GRIA4: variants seen among roughly 807,000 people sequenced by gnomAD.
The protein encoded by GRIA4 is glutamate ionotropic receptor AMPA type subunit 4.
A neutral mutation model predicts 104.0 loss-of-function variants in GRIA4; 34 were observed. The ratio of observed to expected loss-of-function variants is 0.33; its 90% CI spans 0.25 to 0.44. The LOEUF is 0.44. GRIA4 is among the 20% of genes least tolerant of loss of function. The probability of loss-of-function intolerance (pLI) is 1.00; values close to 1 mark genes in which losing one functional copy is unlikely to be tolerated. For synonymous variants in GRIA4, 386 were observed against 381.9 expected (o/e 1.01, Z -0.13); for missense variants, 750 against 1,096.5 (o/e 0.68, Z 4.46).
intron 3 of GRIA4, among the ~76,000 whole-genome samples, chr11:105,674,826 T>C (rs1017169274): frequency 5.3e-5 from 8 of 151,912 alleles, no homozygotes; most frequent in Non-Finnish European, 1.5e-5. Flanking sequence ...TTTTATTCCA[T>C]GAAAAATAAA....
chr11:105,695,482 G>A (rs5007613), intron 3 of GRIA4, among the ~76,000 whole-genome samples: 1 of 121,410 alleles, frequency 8.2e-6, no homozygotes, highest in Non-Finnish European at 1.8e-5. Flanking sequence ...GTGTGTCTGT[G>A]TGTGTGTGTG....
At chr11:105,725,000 T>C (rs1429859013) in intron 3 of GRIA4, among the ~76,000 whole-genome samples, 1 of 152,190 alleles carries the variant, frequency 6.6e-6, no homozygotes, top group Non-Finnish European at 1.5e-5. Context: ...TCATCTCTAC[T>C]ACTTAGTCCT....
At chr11:105,799,112 G>T (rs1007734991) in intron 4 of GRIA4, among the ~76,000 whole-genome samples, 1 of 152,108 alleles carries the variant, frequency 6.6e-6, no homozygotes, top group African/African-American at 2.4e-5. Flanking sequence ...AAGAAACCGA[G>T]AACAAGAGTA....
intron 3 of GRIA4, among the ~76,000 whole-genome samples, chr11:105,661,949 T>C (rs1018772437): frequency 2.6e-5 from 4 of 151,608 alleles, no homozygotes; most frequent in African/African-American, 7.3e-5. Flanking sequence ...CAACCACTAA[T>C]GAACTGCAAA....
chr11:105,972,746 T>C (rs1858765453), intron 15 of GRIA4, among the ~76,000 whole-genome samples: 1 of 152,168 alleles, frequency 6.6e-6, no homozygotes, highest in South Asian at 2.1e-4. Context: ...TATGTTTTTA[T>C]TTTTTAAAAA....
intron 3 of GRIA4, among the ~76,000 whole-genome samples, chr11:105,614,790 G>A (rs544106469): frequency 4.6e-4 from 70 of 152,002 alleles, no homozygotes; most frequent in Non-Finnish European, 7.7e-4. Context: ...ATAGTCAAGA[G>A]TGTGGGTCAG....
chr11:105,888,280 T>TC (rs1946344797), intron 6 of GRIA4, among the ~76,000 whole-genome samples: 1 of 108,438 alleles, frequency 9.2e-6, no homozygotes, highest in African/African-American at 3.6e-5. Context: ...CCTTTTTTTT[T>TC]TTTTTTTTTT....
intron 3 of GRIA4, among the ~76,000 whole-genome samples, chr11:105,737,923 A>G (rs1939056013): frequency 6.6e-6 from 1 of 152,144 alleles, no homozygotes; most frequent in African/African-American, 2.4e-5. Context: ...ACCTCCCTAT[A>G]AGAATGTCAT....
intron 13 of GRIA4, among the ~76,000 whole-genome samples, chr11:105,932,047 C>CTT (rs199671973): frequency 6.9e-5 from 10 of 144,924 alleles, no homozygotes; most frequent in Admixed American, 1.4e-4. Flanking sequence ...GAGGTCTTCA[C>CTT]TTTTTTTTTT....
intron 3 of GRIA4, chr11:105,613,496 A>G (rs1488461611): frequency 1.3e-5 from 2 of 152,218 alleles, no homozygotes; most frequent in African/African-American, 4.8e-5. Flanking sequence ...GCTGAATTGT[A>G]AAGCCTTTTT....
intron 3 of GRIA4, among the ~76,000 whole-genome samples, chr11:105,738,938 A>C (rs981365762): frequency 8.8e-6 from 1 of 114,048 alleles, no homozygotes; most frequent in African/African-American, 2.7e-5. Flanking sequence ...AACAAAAAAA[A>C]AAAAAACAAA....
chr11:105,959,669 G>A (rs1948685448), intron 14 of GRIA4, among the ~76,000 whole-genome samples: 1 of 152,196 alleles, frequency 6.6e-6, no homozygotes, highest in African/African-American at 2.4e-5. Context: ...ATCATCTGGA[G>A]GAGAATAGGC....
intron 4 of GRIA4, among the ~76,000 whole-genome samples, chr11:105,805,245 C>T (rs549779949): frequency 6.6e-6 from 1 of 151,410 alleles, no homozygotes; most frequent in East Asian, 1.9e-4. Context: ...TCTACAGACA[C>T]TCAGTATTAG....
chr11:105,951,323 C>A (rs2136241045), intron 14 of GRIA4, among the ~76,000 whole-genome samples: 1 of 152,256 alleles, frequency 6.6e-6, no homozygotes, highest in African/African-American at 2.4e-5. Context: ...TAACAGAGAC[C>A]AGTTCTTATA....
At chr11:105,665,851 A>T (rs1952148695) in intron 3 of GRIA4, among the ~76,000 whole-genome samples, 1 of 152,050 alleles carries the variant, frequency 6.6e-6, no homozygotes. Flanking sequence ...AACATTTCAC[A>T]GAAAGAAATA....
intron 3 of GRIA4, among the ~76,000 whole-genome samples, chr11:105,704,107 G>T (rs868193531): frequency 2.0e-4 from 30 of 151,850 alleles, no homozygotes; most frequent in African/African-American, 7.0e-4. Context: ...ATTCAATGAG[G>T]GCCTACAAGG....
At chr11:105,848,592 T>C (rs888880696) in intron 4 of GRIA4, among the ~76,000 whole-genome samples, 8 of 152,170 alleles carry the variant, frequency 5.3e-5, no homozygotes, top group African/African-American at 1.4e-4. Flanking sequence ...ACCAAACATA[T>C]ACTGCTTTGA....
At chr11:105,795,465 A>G (rs78924528) in intron 4 of GRIA4, among the ~76,000 whole-genome samples, 4,022 of 152,254 alleles carry the variant, frequency 0.026, 91 homozygotes, top group African/African-American at 0.064. Flanking sequence ...GAAGTTTATT[A>G]CGAAAGGAAC....
intron 11 of GRIA4, among the ~76,000 whole-genome samples, chr11:105,923,982 G>A (rs1248289854): frequency 2.0e-5 from 3 of 152,074 alleles, no homozygotes; most frequent in African/African-American, 4.8e-5. Context: ...ATGAATCAGT[G>A]GCAATGCTCC....
Sources: allele counts gnomAD v4.1 joint callset (sites outside exome capture counted in the v4.1 genomes callset), GRCh38; gene constraint gnomAD v4.1.1; transcripts MANE v1.5; gene names NCBI Gene and HGNC (gene_info 2026-07-23, HGNC 2026-07-21).